The following BCAS3 variants were observed in gnomAD, a reference collection of about 807,000 sequenced individuals.
The protein encoded by BCAS3 is BCAS4/BCAS3 fusion.
A neutral mutation model predicts 116.1 loss-of-function variants in BCAS3; 53 were observed. The ratio of observed to expected loss-of-function variants is 0.46; its 90% CI spans 0.37 to 0.57. BCAS3 has a LOEUF of 0.57. BCAS3 is among the 20% of genes least tolerant of loss of function. BCAS3 has a pLI of 0.00. For missense variants in BCAS3, 917 were observed against 1,165.4 expected (o/e 0.79, Z 3.10); for synonymous variants, 391 against 408.2 (o/e 0.96, Z 0.51).
chr17:60,753,155 C>T (rs1001306732), intron 6 of BCAS3, among the ~76,000 whole-genome samples: 1 of 151,948 alleles, frequency 6.6e-6, no homozygotes. Context: ...ATTTTTTGAT[C>T]CTTGATTACT....
intron 22 of BCAS3, among the ~76,000 whole-genome samples, chr17:61,328,812 C>T (rs1170104203): frequency 1.3e-5 from 2 of 151,766 alleles, no homozygotes; most frequent in Non-Finnish European, 1.5e-5. Context: ...CTGGTGTGTG[C>T]TGAGGACCCA....
At chr17:60,950,902 G>A (rs777001572) in intron 14 of BCAS3, among the ~76,000 whole-genome samples, 2 of 152,104 alleles carry the variant, frequency 1.3e-5, no homozygotes, top group South Asian at 2.1e-4. Context: ...TTTATTGTTC[G>A]TTTTCAAAAG....
intron 7 of BCAS3, among the ~76,000 whole-genome samples, chr17:60,862,188 C>G (rs1199073966): frequency 2.0e-5 from 3 of 152,130 alleles, no homozygotes; most frequent in Non-Finnish European, 4.4e-5. Flanking sequence ...GAGGCTGAGG[C>G]AGGAGAATGG....
intron 4 of BCAS3, among the ~76,000 whole-genome samples, chr17:60,690,729 T>C (rs2034693746): frequency 1.3e-5 from 2 of 152,016 alleles, no homozygotes; most frequent in Admixed American, 6.6e-5. Flanking sequence ...AAGACCAGCC[T>C]GGCCAACATG....
intron 9 of BCAS3, among the ~76,000 whole-genome samples, chr17:60,885,756 A>T (rs1250195203): frequency 6.8e-6 from 1 of 146,746 alleles, no homozygotes. Context: ...TTTCTTTAAG[A>T]ATGTTGAATA....
chr17:61,046,056 A>ATTATATATATATAATATATATATAT (rs2068250715), intron 19 of BCAS3, among the ~76,000 whole-genome samples: 17 of 19,006 alleles, frequency 8.9e-4, no homozygotes, highest in Admixed American at 1.1e-3. Context: ...TAATATATAT[A>ATTATATATATATAATATATATATAT]TTATATATAT....
At chr17:60,976,749 G>GT (rs1413181212) in intron 14 of BCAS3, among the ~76,000 whole-genome samples, 1 of 152,160 alleles carries the variant, frequency 6.6e-6, no homozygotes, top group Non-Finnish European at 1.5e-5. Flanking sequence ...AGAGCACGGG[G>GT]TTGGGGGTAA....
chr17:60,685,864 G>A (rs2033952707), intron 3 of BCAS3, among the ~76,000 whole-genome samples: 2 of 151,198 alleles, frequency 1.3e-5, no homozygotes, highest in African/African-American at 4.9e-5. Context: ...GTAACTTTTT[G>A]TTATATTAGA....
chr17:61,048,518 G>A (rs898578099), intron 19 of BCAS3, among the ~76,000 whole-genome samples: 5 of 151,884 alleles, frequency 3.3e-5, no homozygotes, highest in Admixed American at 3.3e-4. Flanking sequence ...AAGAAGAGCG[G>A]GTGTCGGCAA....
rs2077518942 is a variant in BCAS3 at position 61,151,162 on chromosome 17, G to A, written c.2425+66598G>A. 1.3e-5 allele frequency among the ~76,000 whole-genome samples: 2 copies of A among 152,046 alleles called. No individual in the cohort carries two copies. The highest frequency in any genetic ancestry group is 2.4e-5 in the African/African-American group (1 of 41,380). Reference sequence around the variant, plus strand: ...CCCAAATCCAAACATCTGAAATCTGGGATGCTCCAAAATTCAAAACTTTTT... The same window carrying A: ...CCCAAATCCAAACATCTGAAATCTGAGATGCTCCAAAATTCAAAACTTTTT... On this transcript the variant is annotated intron_variant, in intron 22 of 23. Transcript: ENST00000407086. This position sits in a 1 kb window ranked among gnomAD's most constrained non-coding sequence, Gnocchi z 4.8.
At chr17:61,018,146 G>A (rs1271356739) in intron 16 of BCAS3, among the ~76,000 whole-genome samples, 1 of 151,966 alleles carries the variant, frequency 6.6e-6, no homozygotes, top group Non-Finnish European at 1.5e-5. Flanking sequence ...TTTTTAGCAA[G>A]CCTTGTATTG....
At chr17:61,120,896 C>A (rs1017113518) in intron 22 of BCAS3, among the ~76,000 whole-genome samples, 7 of 151,942 alleles carry the variant, frequency 4.6e-5, no homozygotes, top group African/African-American at 1.7e-4. Context: ...GTAAGTTTAT[C>A]CTCCATCTCC....
At position 61,380,580 on chromosome 17, in the gene BCAS3, C is replaced by T. The variant is rs766259359; in HGVS notation, c.2594-11397C>T. 1.7e-5 allele frequency: 27 copies of T among 1,596,672 alleles called. No homozygotes were observed. The highest frequency in any genetic ancestry group is 5.0e-5 in the Admixed American group (3 of 59,970). On this transcript the variant is annotated intron_variant, in intron 23 of 23. Coordinates refer to ENST00000407086, the MANE Select transcript of BCAS3 (RefSeq NM_017679.5). The surrounding 1 kb of genome is among the most constrained non-coding windows in gnomAD (Gnocchi z 4.2). ...GGCAGTGAAGTGTTTTGGTATGTAA[C>T]GTCCTATCTTTGCCTATGTGGAAGG...
At chr17:61,039,483 C>A (rs1177202964) in intron 18 of BCAS3, among the ~76,000 whole-genome samples, 1 of 151,594 alleles carries the variant, frequency 6.6e-6, no homozygotes, top group African/African-American at 2.4e-5. Flanking sequence ...AGTGCAGTGG[C>A]GTGATCTCGG....
chr17:61,286,556 A>G lies in BCAS3; in HGVS notation c.2426-81771A>G, dbSNP rs1212054558. On this transcript the variant is annotated intron_variant, in intron 22 of 23. Transcript: ENST00000407086. This position sits in a 1 kb window ranked among gnomAD's most constrained non-coding sequence, Gnocchi z 4.8. ...CTGCTTGGTGCACGACCAAAAAGTA[A>G]CATGTCAGAATAGGGATTTTCACAC... Among the ~76,000 whole-genome samples, 3 of 152,172 alleles carry G rather than the reference A, an allele frequency of 2.0e-5. No homozygotes were observed. Among genetic ancestry groups the G allele is most frequent in the Admixed American group, 2.0e-4 (3 of 15,280 alleles).
chr17:60,802,706 G>T (rs978916731), intron 6 of BCAS3, among the ~76,000 whole-genome samples: 1 of 151,972 alleles, frequency 6.6e-6, no homozygotes, highest in Non-Finnish European at 1.5e-5. Flanking sequence ...CAATGGTGCC[G>T]TCTGGGCTCA....
chr17:60,700,400 T>G (rs1306116406), intron 4 of BCAS3, among the ~76,000 whole-genome samples: 1 of 152,102 alleles, frequency 6.6e-6, no homozygotes, highest in African/African-American at 2.4e-5. Flanking sequence ...GTAATGATGC[T>G]TTTCACCAAA....
At chr17:60,854,064 C>T (rs1351875191) in intron 7 of BCAS3, among the ~76,000 whole-genome samples, 2 of 151,872 alleles carry the variant, frequency 1.3e-5, no homozygotes, top group Admixed American at 6.6e-5. Flanking sequence ...CCCAACCCCA[C>T]GACAGGCCCC....
intron 4 of BCAS3, among the ~76,000 whole-genome samples, chr17:60,707,871 C>T (rs575361537): frequency 1.3e-5 from 2 of 151,906 alleles, no homozygotes; most frequent in Non-Finnish European, 2.9e-5. Context: ...ATTGATTATC[C>T]TTTCTATATT....
Sources: allele counts gnomAD v4.1 joint callset (sites outside exome capture counted in the v4.1 genomes callset), GRCh38; gene constraint gnomAD v4.1.1; non-coding constraint Gnocchi (gnomAD v3.1); transcripts MANE v1.5; gene names NCBI Gene and HGNC (gene_info 2026-07-23, HGNC 2026-07-21).